The following ITPR1 variants were observed in gnomAD, a reference collection of about 807,000 sequenced individuals.
ITPR1 encodes the protein inositol 1,4,5-trisphosphate receptor type 1.
ITPR1 carries 96 observed loss-of-function variants against 318.4 expected under a neutral mutation model. The observed-to-expected ratio is 0.30, with a 90% CI of 0.26 to 0.36. The LOEUF is 0.36. Ranked by LOEUF, ITPR1 falls within the 10% of genes least tolerant of loss-of-function variation. The probability of loss-of-function intolerance (pLI) is 1.00; values close to 1 mark genes in which losing one functional copy is unlikely to be tolerated. For missense variants in ITPR1, 2,440 were observed against 3,460.2 expected (o/e 0.71, Z 7.40); for synonymous variants, 1,312 against 1,289.9 (o/e 1.02, Z -0.37).
At chr3:4,641,581 G>T (rs189303175) in intron 6 of ITPR1, among the ~76,000 whole-genome samples, 1 of 152,096 alleles carries the variant, frequency 6.6e-6, no homozygotes, top group African/African-American at 2.4e-5. Context: ...TCCCTGTGTC[G>T]CCCAGGCTTG....
chr3:4,841,910 C>G (rs972769903), intron 61 of ITPR1, among the ~76,000 whole-genome samples: 3 of 152,206 alleles, frequency 2.0e-5, no homozygotes, highest in Admixed American at 1.3e-4. Context: ...TGAGGCTCAT[C>G]ATTCTGAACA....
chr3:4,754,831 A>T (rs2044829463), intron 44 of ITPR1, among the ~76,000 whole-genome samples: 2 of 152,190 alleles, frequency 1.3e-5, no homozygotes, highest in Non-Finnish European at 2.9e-5. Context: ...CATCTATTTT[A>T]CATCTGTTTT....
At chr3:4,697,376 G>A in intron 34 of ITPR1, 104 bp downstream of exon 34, 2 of 1,063,178 alleles carry the variant, frequency 1.9e-6, no homozygotes, top group Non-Finnish European at 2.6e-6. Flanking sequence ...CACACATGAA[G>A]AAAACAGCTG....
At chr3:4,712,413 A>C (rs186462220) in intron 39 of ITPR1, among the ~76,000 whole-genome samples, 6 of 152,354 alleles carry the variant, frequency 3.9e-5, no homozygotes, top group African/African-American at 1.4e-4. Context: ...GATATACCAG[A>C]TCCATTCCTT....
In ITPR1 at chr3:4,627,783, C is replaced by A. The variant is rs1462430863; in HGVS notation, c.184C>A (p.Pro62Thr). 6.2e-7 allele frequency: 1 copy of A among 1,612,946 alleles called. No individual in the cohort carries two copies. The highest frequency in any genetic ancestry group is 2.2e-5 in the East Asian group (1 of 44,868). Residue 62 changes from proline to threonine, a missense_variant, in exon 5 of 62, where the codon CCC becomes ACC. Around this residue, in one of 23 missense-constraint regions of ITPR1, gnomAD observed 186 missense variants for 323.9 expected, o/e 0.57. Transcript: ENST00000649015. ...KFRDCLFKLCPMNRYSAQKQF... is the reference protein window; with the variant it reads ...KFRDCLFKLCTMNRYSAQKQF... ...TCTAGACTGCCTCTTTAAGCTATGT[C>A]CCATGAACCGCTACTCTGCCCAAAA...
At chr3:4,520,622 C>T (rs995349906) in intron 3 of ITPR1, among the ~76,000 whole-genome samples, 6 of 152,148 alleles carry the variant, frequency 3.9e-5, no homozygotes, top group Admixed American at 2.0e-4. Flanking sequence ...TCTTAAGGCT[C>T]CTGCACTAGC....
chr3:4,773,026 G>T (rs1559871471), intron 46 of ITPR1, among the ~76,000 whole-genome samples: 1 of 152,254 alleles, frequency 6.6e-6, no homozygotes. Context: ...GCAGCTGGTA[G>T]GTGCCAGTCC....
At chr3:4,738,383 A>G (rs1280875310) in intron 44 of ITPR1, among the ~76,000 whole-genome samples, 1 of 152,192 alleles carries the variant, frequency 6.6e-6, no homozygotes, top group African/African-American at 2.4e-5. Context: ...GGATGTCACA[A>G]ACAGAGACCC....
chr3:4,581,713 C>G (rs1337887658), intron 4 of ITPR1, among the ~76,000 whole-genome samples: 1 of 152,148 alleles, frequency 6.6e-6, no homozygotes, highest in African/African-American at 2.4e-5. Flanking sequence ...GTTTTCTGCC[C>G]TGGTTATAAC....
chr3:4,683,087 A>T (rs1172947704), intron 26 of ITPR1, among the ~76,000 whole-genome samples: 1 of 152,232 alleles, frequency 6.6e-6, no homozygotes, highest in East Asian at 1.9e-4. Context: ...CTCAGACCAC[A>T]GACGAAGCCC....
chr3:4,567,615 TTC>T (rs2125029584), intron 4 of ITPR1, among the ~76,000 whole-genome samples: 1 of 145,112 alleles, frequency 6.9e-6, no homozygotes, highest in Non-Finnish European at 1.5e-5. Context: ...TTTTTTTGGT[TTC>T]TTTTTTGAGA....
intron 44 of ITPR1, among the ~76,000 whole-genome samples, chr3:4,753,816 A>C (rs2044735268): frequency 6.6e-6 from 1 of 152,076 alleles, no homozygotes; most frequent in Non-Finnish European, 1.5e-5. Flanking sequence ...CCCTGCCGGT[A>C]CTGTGCGGGC....
intron 4 of ITPR1, among the ~76,000 whole-genome samples, chr3:4,605,057 C>T (rs1027016396): frequency 5.9e-5 from 9 of 152,058 alleles, no homozygotes; most frequent in East Asian, 1.9e-4. Flanking sequence ...CTGCAACCTC[C>T]GCCTCCCAGG....
chr3:4,599,924 G>A (rs2091140472), intron 4 of ITPR1, among the ~76,000 whole-genome samples: 1 of 152,144 alleles, frequency 6.6e-6, no homozygotes, highest in African/African-American at 2.4e-5. Flanking sequence ...GGATAATGAA[G>A]ATCTTAGTCT....
At chr3:4,622,654 C>T (rs756665082) in intron 4 of ITPR1, among the ~76,000 whole-genome samples, 1 of 152,134 alleles carries the variant, frequency 6.6e-6, no homozygotes, top group Non-Finnish European at 1.5e-5. Flanking sequence ...ACCTCGTGAT[C>T]CTCCTGTCTC....
At chr3:4,702,346 G>T (rs185188639) in intron 35 of ITPR1, among the ~76,000 whole-genome samples, 1 of 152,186 alleles carries the variant, frequency 6.6e-6, no homozygotes, top group African/African-American at 2.4e-5. Context: ...TGAGATCCAC[G>T]TATCAGTTTG....
Position 4,846,927 on chromosome 3 carries a change from T to G in ITPR1, c.*702T>G, listed in dbSNP as rs2051823000. 6.6e-6 allele frequency: 1 copy of G among 152,644 alleles called. No individual in the cohort carries two copies. The highest frequency in any genetic ancestry group is 1.5e-5 in the Non-Finnish European group (1 of 68,024). 9.5% of individuals were successfully genotyped at this position (152,644 alleles called of 1,614,324 possible). A position where few individuals can be genotyped will look rare whatever the true frequency, so the allele number is the denominator to read the frequency against. On this transcript the variant is annotated 3_prime_UTR_variant, in exon 62 of 62. Transcript: ENST00000649015. ...TAAATTGATCATTTAAACTATTTCT[T>G]TAAATAAGAGAGCCAAATTAGAGGC...
intron 40 of ITPR1, among the ~76,000 whole-genome samples, chr3:4,721,883 A>G (rs116372227): frequency 0.011 from 1,721 of 152,306 alleles, 29 homozygotes; most frequent in African/African-American, 0.039. Flanking sequence ...TGTTGTGCAG[A>G]CACCAGAAAT....
intron 4 of ITPR1, among the ~76,000 whole-genome samples, chr3:4,624,307 G>A (rs2092743831): frequency 6.6e-6 from 1 of 152,108 alleles, no homozygotes; most frequent in African/African-American, 2.4e-5. Context: ...TAAATATCTT[G>A]AATATTTTAA....
Sources: allele counts gnomAD v4.1 joint callset (sites outside exome capture counted in the v4.1 genomes callset), GRCh38; gene constraint gnomAD v4.1.1; regional missense constraint gnomAD v4.1.1; transcripts MANE v1.5; gene names NCBI Gene and HGNC (gene_info 2026-07-23, HGNC 2026-07-21).